UBE2O: variants seen among roughly 807,000 people sequenced by gnomAD.
The protein encoded by UBE2O is ubiquitin conjugating enzyme E2 O.
Under a neutral mutation model 125.8 loss-of-function variants are expected in UBE2O, and 15 were observed. The ratio of observed to expected loss-of-function variants is 0.12; its 90% CI spans 0.08 to 0.18. UBE2O has a LOEUF of 0.18. UBE2O is among the 10% of genes least tolerant of loss of function. UBE2O has a pLI of 1.00. For synonymous variants in UBE2O, 708 were observed against 703.2 expected (o/e 1.01, Z -0.11); for missense variants, 1,280 against 1,723.6 (o/e 0.74, Z 4.56).
rs201218957 is a variant in UBE2O at position 76,389,795 on chromosome 17, CTTT to C, written c.*1145_*1147del. ...GCTGACAAGACGCATCATGCTTTGG[CTTT>C]TTTTTTGTCTTTTTTTCTAATAAGA... On this transcript the variant is annotated 3_prime_UTR_variant, in exon 18 of 18. Coordinates refer to ENST00000319380, the MANE Select transcript of UBE2O (RefSeq NM_022066.4). The C allele has an allele frequency of 6.6e-6, 1 of 151,486 alleles. No individual in the cohort carries two copies. The highest frequency in any genetic ancestry group is 1.5e-5 in the Non-Finnish European group (1 of 67,832). The allele number at this position is 151,486 out of a possible 1,614,324, so 9.4% of individuals were successfully genotyped here.
At chr17:76,420,965 G>A (rs1419156211) in intron 1 of UBE2O, among the ~76,000 whole-genome samples, 2 of 152,102 alleles carry the variant, frequency 1.3e-5, no homozygotes, top group Non-Finnish European at 2.9e-5. Flanking sequence ...ATTAGGTCAG[G>A]ACAGGATCAG....
intron 1 of UBE2O, among the ~76,000 whole-genome samples, chr17:76,409,029 C>T (rs1249510194): frequency 6.6e-6 from 1 of 151,654 alleles, no homozygotes; most frequent in African/African-American, 2.4e-5. Context: ...AGTGCAGTGG[C>T]GCGATCTCGG....
chr17:76,430,544 A>G, intron 1 of UBE2O: 1 of 277,144 alleles, frequency 3.6e-6, no homozygotes, highest in East Asian at 1.0e-4. Flanking sequence ...GGGCCACAGT[A>G]TAGAGCTCAT....
At chr17:76,435,510 CAA>C (rs752169017) in intron 1 of UBE2O, among the ~76,000 whole-genome samples, 5 of 151,902 alleles carry the variant, frequency 3.3e-5, no homozygotes, top group Non-Finnish European at 7.4e-5. Flanking sequence ...AGCTAATTCG[CAA>C]TATTCCCCCC....
intron 1 of UBE2O, among the ~76,000 whole-genome samples, chr17:76,431,799 T>G (rs1473443448): frequency 1.3e-5 from 2 of 152,114 alleles, no homozygotes; most frequent in African/African-American, 2.4e-5. Flanking sequence ...AATAAAAAAT[T>G]TTAAAAAGAA....
intron 1 of UBE2O, among the ~76,000 whole-genome samples, chr17:76,451,123 A>G (rs1442088526): frequency 1.3e-5 from 2 of 152,314 alleles, no homozygotes; most frequent in Admixed American, 6.5e-5. Context: ...AGGCCACAAC[A>G]CAGAGGATGC....
At position 76,399,176 on chromosome 17, in the gene UBE2O, G is replaced by C. The variant is rs773753876; in HGVS notation, c.1629-185C>G. On this transcript the variant is annotated intron_variant, in intron 9 of 17. Coordinates refer to ENST00000319380, the MANE Select transcript of UBE2O (RefSeq NM_022066.4). This position sits in a 1 kb window ranked among gnomAD's most constrained non-coding sequence, Gnocchi z 6.9. ...AGGGTTCCAAGGCCACGCATTCTCT[G>C]AGAACAGGATCCACTTGGGAGAGCT... The C allele has an allele frequency of 1.2e-4, 96 of 828,348 alleles. No individual in the cohort carries two copies. Among genetic ancestry groups the C allele is most frequent in the Non-Finnish European group, 1.6e-4 (86 of 544,356 alleles). 51.3% of individuals were successfully genotyped at this position (828,348 alleles called of 1,614,324 possible).
Position 76,395,966 on chromosome 17 carries a change from G to A in UBE2O, c.2810-105C>T, listed in dbSNP as rs764837828. 4 of 1,547,944 alleles carry A rather than the reference G, an allele frequency of 2.6e-6. No individual in the cohort carries two copies. The highest frequency in any genetic ancestry group is 1.4e-5 in the African/African-American group (1 of 72,998). On this transcript the variant is annotated intron_variant, in intron 14 of 17. Coordinates refer to ENST00000319380, the MANE Select transcript of UBE2O (RefSeq NM_022066.4). The surrounding 1 kb of genome is among the most constrained non-coding windows in gnomAD (Gnocchi z 5.0). ...CACACCCACAGACTTCCCACTCGCC[G>A]CTGCTGGCCTCAGCACTGTGACCAC...
At chr17:76,424,382 G>A (rs2072767829) in intron 1 of UBE2O, among the ~76,000 whole-genome samples, 1 of 148,598 alleles carries the variant, frequency 6.7e-6, no homozygotes, top group Non-Finnish European at 1.5e-5. Flanking sequence ...CTAATTTTTT[G>A]TATTTTTGTA....
chr17:76,398,671 T>C lies in UBE2O; in HGVS notation c.1784-87A>G. 2 of 1,494,154 alleles carry C rather than the reference T, an allele frequency of 1.3e-6. No individual in the cohort carries two copies. Among genetic ancestry groups the C allele is most frequent in the South Asian group, 2.3e-5 (2 of 85,268 alleles). The allele number at this position is 1,494,154 out of a possible 1,614,324, so 92.6% of individuals were successfully genotyped here. On this transcript the variant is annotated intron_variant, in intron 10 of 17. Transcript: ENST00000319380. The surrounding 1 kb of genome is among the most constrained non-coding windows in gnomAD (Gnocchi z 5.4). ...CAAGCCAGTGCAGAGTGCAGAACCC[T>C]GACCTTCCCCCGTCTTGGAAGTGGT...
intron 1 of UBE2O, chr17:76,431,053 G>A (rs1326143766): frequency 5.1e-6 from 1 of 194,210 alleles, no homozygotes; most frequent in Non-Finnish European, 1.1e-5. Context: ...TTAGTTCTGT[G>A]AAATTCCTTT....
intron 1 of UBE2O, among the ~76,000 whole-genome samples, chr17:76,435,056 G>C (rs1302350308): frequency 6.6e-6 from 1 of 152,112 alleles, no homozygotes; most frequent in Non-Finnish European, 1.5e-5. Flanking sequence ...ACAACAATGA[G>C]GAGAGGAAAG....
chr17:76,444,608 C>T (rs1161358319), intron 1 of UBE2O, among the ~76,000 whole-genome samples: 1 of 152,142 alleles, frequency 6.6e-6, no homozygotes, highest in African/African-American at 2.4e-5. Context: ...TCATTTGTGA[C>T]CTTCAGGGGA....
At chr17:76,416,160 A>G (rs2072611210) in intron 1 of UBE2O, among the ~76,000 whole-genome samples, 1 of 151,328 alleles carries the variant, frequency 6.6e-6, no homozygotes, top group East Asian at 2.0e-4. Flanking sequence ...GTGTGGCTTT[A>G]TATACACATA....
chr17:76,425,356 G>A (rs1192687893), intron 1 of UBE2O, among the ~76,000 whole-genome samples: 1 of 149,960 alleles, frequency 6.7e-6, no homozygotes, highest in Non-Finnish European at 1.5e-5. Context: ...AACAATGCAT[G>A]CCTAAGTTAA....
chr17:76,396,575 C>G lies in UBE2O; in HGVS notation c.2362G>C (p.Ala788Pro). 3.1e-6 allele frequency: 5 copies of G among 1,605,542 alleles called. No individual in the cohort carries two copies. The highest frequency in any genetic ancestry group is 4.2e-6 in the Non-Finnish European group (5 of 1,176,674). ...GCCATGGGGGCAGCCATGGCCACAG[C>G]CCCCTGGACGGCAGCTGTGGCTGCC... Reference protein sequence around the residue: ...EEAATAAVQGAVAMAAPMAGL... With the variant: ...EEAATAAVQGPVAMAAPMAGL... Residue 788 changes from alanine to proline, a missense_variant, in exon 14 of 18, where the codon GCT (alanine) becomes CCT (proline). By Grantham distance (27) the Ala-to-Pro change is conservative. Transcript: ENST00000319380. The surrounding 1 kb of genome is among the most constrained non-coding windows in gnomAD (Gnocchi z 6.7).
intron 1 of UBE2O, among the ~76,000 whole-genome samples, chr17:76,442,094 AC>A (rs200190308): frequency 1.8e-5 from 2 of 112,546 alleles, no homozygotes; most frequent in African/African-American, 2.5e-5. Context: ...CGGGGTTCTT[AC>A]AGGGGAAATG....
chr17:76,398,170 A>G lies in UBE2O; in HGVS notation c.2025+85T>C. Reference sequence around the variant, plus strand: ...AGAGGACTTTCAGGTCTTGTCTCCTAGAGCCACCTGGTGGCAGCATCAGGG... The same window carrying G: ...AGAGGACTTTCAGGTCTTGTCTCCTGGAGCCACCTGGTGGCAGCATCAGGG... On this transcript the variant is annotated intron_variant, in intron 12 of 17. Transcript: ENST00000319380. The surrounding 1 kb of genome is among the most constrained non-coding windows in gnomAD (Gnocchi z 5.4). 2.5e-6 allele frequency: 4 copies of G among 1,584,240 alleles called. No homozygotes were observed. The highest frequency in any genetic ancestry group is 1.7e-5 in the Admixed American group (1 of 59,314).
intron 1 of UBE2O, among the ~76,000 whole-genome samples, chr17:76,438,040 T>C (rs2073025933): frequency 6.6e-6 from 1 of 152,176 alleles, no homozygotes; most frequent in Non-Finnish European, 1.5e-5. Flanking sequence ...ACACTGCTAT[T>C]ACCGGCAGGA....
Sources: gnomAD v4.1 joint callset for allele counts (sites outside exome capture counted in the v4.1 genomes callset) on GRCh38, gnomAD v4.1.1 for gene constraint, Gnocchi (gnomAD v3.1) non-coding constraint, MANE v1.5 for transcripts, NCBI Gene and HGNC (gene_info 2026-07-23, HGNC 2026-07-21) for gene names.